LRP1B: variants seen among roughly 807,000 people sequenced by gnomAD.
LRP1B encodes LDL receptor related protein 1B.
A neutral mutation model predicts 556.6 loss-of-function variants in LRP1B; 217 were observed. The ratio of observed to expected loss-of-function variants is 0.39; its 90% CI spans 0.35 to 0.44. The LOEUF is 0.44. Ranked by LOEUF, LRP1B falls within the 20% of genes least tolerant of loss-of-function variation. The probability of loss-of-function intolerance (pLI) is 1.00; values close to 1 mark genes in which losing one functional copy is unlikely to be tolerated. For missense variants in LRP1B, 5,053 were observed against 5,620.8 expected (o/e 0.90, Z 3.23); for synonymous variants, 2,047 against 1,865.8 (o/e 1.10, Z -2.50).
chr2:141,600,294 C>T (rs2105307550), intron 2 of LRP1B, among the ~76,000 whole-genome samples: 1 of 152,298 alleles, frequency 6.6e-6, no homozygotes, highest in Admixed American at 6.5e-5. Context: ...TCATGCCTGT[C>T]TCTGAAGTGG....
intron 68 of LRP1B, among the ~76,000 whole-genome samples, chr2:140,377,510 A>T (rs2105181296): frequency 6.6e-6 from 1 of 152,326 alleles, no homozygotes; most frequent in African/African-American, 2.4e-5. Flanking sequence ...AAAAATATAT[A>T]TAATCATGTG....
At chr2:141,955,397 T>A (rs1701218052) in intron 1 of LRP1B, among the ~76,000 whole-genome samples, 2 of 152,166 alleles carry the variant, frequency 1.3e-5, no homozygotes, top group Non-Finnish European at 2.9e-5. Context: ...TCTCAGCACT[T>A]TTTGCAAGAT....
At chr2:141,552,954 C>T (rs1354466512) in intron 2 of LRP1B, among the ~76,000 whole-genome samples, 1 of 151,522 alleles carries the variant, frequency 6.6e-6, no homozygotes. Flanking sequence ...TGAAAGAAGA[C>T]CAGAGTAAGT....
chr2:140,472,776 T>A (rs1050358170), intron 60 of LRP1B, among the ~76,000 whole-genome samples: 2 of 152,090 alleles, frequency 1.3e-5, no homozygotes, highest in Non-Finnish European at 2.9e-5. Context: ...TTTTAAACCA[T>A]AAAGTCCAAG....
chr2:141,138,119 A>G (rs1701536143), intron 7 of LRP1B, among the ~76,000 whole-genome samples: 1 of 152,114 alleles, frequency 6.6e-6, no homozygotes, highest in East Asian at 1.9e-4. Flanking sequence ...TATTCCAATC[A>G]TGCAGGGTTG....
In LRP1B at chr2:141,036,272, C is replaced by T. The variant is rs1241939637; in HGVS notation, c.1789+12714G>A. The stretch of plus-strand genomic sequence containing the variant: ...CTATAATAATAAAATATTCTTAAAA[C>T]TGAGTGTGGTTTAATGTGATAATTT... On this transcript the variant is annotated intron_variant, in intron 11 of 90. Coordinates refer to ENST00000389484, the MANE Select transcript of LRP1B (RefSeq NM_018557.3). Among the ~76,000 whole-genome samples the T allele has an allele frequency of 2.6e-5, 4 of 152,034 alleles. No homozygotes were observed. In the East Asian group the frequency reaches 7.8e-4, roughly 29 times the overall value.
At chr2:141,043,070 G>A in intron 11 of LRP1B, among the ~76,000 whole-genome samples, 1 of 150,542 alleles carries the variant, frequency 6.6e-6, no homozygotes. Context: ...GAGCATGGTG[G>A]CACACACCTG....
chr2:140,907,083 A>G (rs1471277077), intron 22 of LRP1B, among the ~76,000 whole-genome samples: 1 of 151,988 alleles, frequency 6.6e-6, no homozygotes, highest in African/African-American at 2.4e-5. Context: ...ACTTTCAATC[A>G]GTCAGCTTCA....
intron 3 of LRP1B, among the ~76,000 whole-genome samples, chr2:141,345,804 C>T (rs1228857505): frequency 6.6e-6 from 1 of 151,840 alleles, no homozygotes; most frequent in Non-Finnish European, 1.5e-5. Flanking sequence ...TGCACATGGC[C>T]CTGAATTTTC....
chr2:142,125,057 T>C (rs1707592481), intron 1 of LRP1B, among the ~76,000 whole-genome samples: 1 of 151,520 alleles, frequency 6.6e-6, no homozygotes, highest in African/African-American at 2.4e-5. Context: ...ATGGAGAGAG[T>C]GAGACTGACT....
chr2:140,326,712 T>A (rs1237682934), intron 79 of LRP1B, among the ~76,000 whole-genome samples: 1 of 150,600 alleles, frequency 6.6e-6, no homozygotes, highest in Non-Finnish European at 1.5e-5. Flanking sequence ...AAAAAAAAAA[T>A]GTTTATGGTA....
At chr2:141,255,285 G>A (rs974250043) in intron 3 of LRP1B, among the ~76,000 whole-genome samples, 3 of 151,838 alleles carry the variant, frequency 2.0e-5, no homozygotes, top group South Asian at 2.1e-4. Context: ...AATAAGATTC[G>A]CTAAACTAGA....
chr2:141,882,576 A>G (rs1230856733), intron 1 of LRP1B, among the ~76,000 whole-genome samples: 1 of 152,160 alleles, frequency 6.6e-6, no homozygotes, highest in Non-Finnish European at 1.5e-5. Context: ...CAAGCACCCA[A>G]TAAGCGTCAA....
intron 3 of LRP1B, among the ~76,000 whole-genome samples, chr2:141,311,937 G>A (rs1292350680): frequency 6.6e-6 from 1 of 152,156 alleles, no homozygotes; most frequent in East Asian, 1.9e-4. Context: ...ACAGGGTAAT[G>A]GGCAGAGGCT....
chr2:141,491,703 A>G (rs994195350), intron 2 of LRP1B, among the ~76,000 whole-genome samples: 4 of 152,152 alleles, frequency 2.6e-5, no homozygotes, highest in Admixed American at 1.3e-4. Flanking sequence ...GGAGCAGCCA[A>G]CTGGCTCATC....
chr2:140,948,736 GT>G (rs1695616562), intron 20 of LRP1B, among the ~76,000 whole-genome samples: 1 of 152,186 alleles, frequency 6.6e-6, no homozygotes, highest in African/African-American at 2.4e-5. Context: ...ATGAGAACTT[GT>G]GTTTCACTGC....
chr2:141,220,791 T>C (rs573045187), intron 6 of LRP1B, among the ~76,000 whole-genome samples: 1 of 150,282 alleles, frequency 6.7e-6, no homozygotes, highest in African/African-American at 2.4e-5. Context: ...AAAAAAGAAT[T>C]TCCAACCAAA....
chr2:140,789,842 G>T (rs1301187314), intron 32 of LRP1B, among the ~76,000 whole-genome samples: 1 of 151,288 alleles, frequency 6.6e-6, no homozygotes, highest in Non-Finnish European at 1.5e-5. Flanking sequence ...GTTTTAGCCG[G>T]GATGGTCTCG....
intron 66 of LRP1B, among the ~76,000 whole-genome samples, chr2:140,392,499 T>A (rs1229205691): frequency 6.6e-6 from 1 of 152,126 alleles, no homozygotes; most frequent in Non-Finnish European, 1.5e-5. Flanking sequence ...CAACCTTTTT[T>A]TTTTTGGAGA....
Sources: gnomAD v4.1 joint callset for allele counts (sites outside exome capture counted in the v4.1 genomes callset) on GRCh38, gnomAD v4.1.1 for gene constraint, MANE v1.5 for transcripts, NCBI Gene and HGNC (gene_info 2026-07-23, HGNC 2026-07-21) for gene names.